The following UBE2W variants were observed in gnomAD, a reference collection of about 807,000 sequenced individuals.
The protein encoded by UBE2W is ubiquitin conjugating enzyme E2 W, also known as ubiquitin-conjugating enzyme E2 W.
UBE2W carries 18 observed loss-of-function variants against 27.2 expected under a neutral mutation model. The ratio of observed to expected loss-of-function variants is 0.66; its 90% CI spans 0.46 to 0.98. The LOEUF (loss-of-function observed/expected upper bound fraction) is 0.98. Ranked by LOEUF, UBE2W falls within the 50% of genes least tolerant of loss-of-function variation. The pLI is 0.00. For missense variants in UBE2W, 90 were observed against 180.2 expected, an observed-to-expected ratio of 0.50 and a Z score of 2.87; for synonymous variants, 53 against 57.2, an observed-to-expected ratio of 0.93 and a Z score of 0.33.
At position 73,805,472 on chromosome 8, in the gene UBE2W, C is replaced by CAAA; in HGVS notation, c.442+176_442+178dup. Among the ~76,000 whole-genome samples the CAAA allele has an allele frequency of 4.8e-4, 21 of 43,694 alleles. 1 individual carries two copies. The highest frequency in any genetic ancestry group is 3.7e-3 in the South Asian group (4 of 1,074). The allele number at this position is 43,694 out of a possible 152,430, so 28.7% of individuals were successfully genotyped here. A position where few individuals can be genotyped will look rare whatever the true frequency, so the allele number is the denominator to read the frequency against. On this transcript the variant is annotated intron_variant, in intron 5 of 5. Coordinates refer to ENST00000602593, the MANE Select transcript of UBE2W (RefSeq NM_018299.6). Reference sequence around the variant, plus strand: ...TCCATCTCAAAAAAAAAAAAAAAAACAAAAAAAACTAGGGTAATTCATCCA... The same window carrying CAAA: ...TCCATCTCAAAAAAAAAAAAAAAAACAAAAAAAAAAACTAGGGTAATTCATCCA...
intron 2 of UBE2W, 92 bp downstream of exon 2, chr8:73,830,289 T>A (rs1724798637): frequency 1.1e-6 from 1 of 887,822 alleles, no homozygotes; most frequent in Admixed American, 2.2e-5. Context: ...AAGAATGAAA[T>A]GTGAAAATAA....
At chr8:73,808,194 G>A (rs913031799) in intron 4 of UBE2W, among the ~76,000 whole-genome samples, 6 of 152,086 alleles carry the variant, frequency 3.9e-5, no homozygotes, top group South Asian at 2.1e-4. Flanking sequence ...AAATTTACCC[G>A]TTTTAATAAT....
In UBE2W at chr8:73,800,910, T is replaced by C. The variant is rs193158295; in HGVS notation, c.442+4741A>G. Among the ~76,000 whole-genome samples, 1,155 of 152,186 alleles carry C rather than the reference T, an allele frequency of 7.6e-3. 21 individuals carry two copies. The highest frequency in any genetic ancestry group is 0.027 in the African/African-American group (1,122 of 41,536). ...GAGTTCAAGACCAGCCTGACCAACA[T>C]GGAGAAACCTCATCTCTATTAAAAA... On this transcript the variant is annotated intron_variant, in intron 5 of 5. Transcript: ENST00000602593.
At chr8:73,844,171 C>G (rs2623310) in intron 1 of UBE2W, among the ~76,000 whole-genome samples, 1 of 4,024 alleles carries the variant, frequency 2.5e-4, no homozygotes, top group Non-Finnish European at 4.2e-4. Context: ...TCCCCCTCCC[C>G]CTCTGCACGG....
At chr8:73,785,856 G>C (rs939929518), downstream of UBE2W, among the ~76,000 whole-genome samples, 5 of 152,236 alleles carry the variant, frequency 3.3e-5, no homozygotes, top group Admixed American at 2.6e-4. Flanking sequence ...ACAGGCGTAA[G>C]CCACTGTGCC....
intron 1 of UBE2W, among the ~76,000 whole-genome samples, chr8:73,864,766 G>C (rs1414979296): frequency 7.6e-6 from 1 of 131,164 alleles, no homozygotes; most frequent in East Asian, 2.7e-4. Flanking sequence ...GGGGGGGCGG[G>C]GGGGGCTGAG....
At chr8:73,848,823 A>G (rs1810931998) in intron 1 of UBE2W, among the ~76,000 whole-genome samples, 1 of 152,216 alleles carries the variant, frequency 6.6e-6, no homozygotes, top group Non-Finnish European at 1.5e-5. Flanking sequence ...GGTGATTACA[A>G]AGGTGTATTC....
chr8:73,845,373 T>C (rs1810749834), intron 1 of UBE2W, among the ~76,000 whole-genome samples: 1 of 152,256 alleles, frequency 6.6e-6, no homozygotes, highest in Admixed American at 6.5e-5. Context: ...GAGAAATTCT[T>C]CTGCCTTGGG....
At chr8:73,878,159 GGAA>G (rs777534965) in intron 1 of UBE2W, among the ~76,000 whole-genome samples, 85 of 152,350 alleles carry the variant, frequency 5.6e-4, no homozygotes, top group Non-Finnish European at 1.1e-3. Flanking sequence ...AGCTTCGAGA[GGAA>G]GGAGACAGTG....
rs746709235 is a variant in UBE2W, at chr8:73,870,673, A to T, written c.15+8135T>A. Among the ~76,000 whole-genome samples the T allele has an allele frequency of 4.8e-4, 73 of 152,102 alleles. 1 individual carries two copies. Among genetic ancestry groups the T allele is most frequent in the Non-Finnish European group, 1.2e-4 (8 of 68,032 alleles). ...GGCACTAGGTTACATCCAAGAAAAT[A>T]GAAAATAAGCTAATTAATACATAGC... is the stretch of plus-strand genomic sequence containing the variant. On this transcript the variant is annotated intron_variant, in intron 1 of 5. Transcript: ENST00000602593.
chr8:73,851,839 G>GACAGTGTTCTTAACTGTAAAAGAAAT (rs57421554), intron 1 of UBE2W, among the ~76,000 whole-genome samples: 1 of 151,556 alleles, frequency 6.6e-6, no homozygotes, highest in African/African-American at 2.4e-5. Context: ...CTGGATCAAT[G>GACAGTGTTCTTAACTGTAAAAGAAAT]ACAGGAAGAA....
At chr8:73,803,830 G>A (rs1424642316) in intron 5 of UBE2W, among the ~76,000 whole-genome samples, 3 of 149,562 alleles carry the variant, frequency 2.0e-5, no homozygotes, top group Non-Finnish European at 3.0e-5. Flanking sequence ...GCAGTGGCGC[G>A]ATCTCCGCTC....
chr8:73,850,802 A>T (rs1435628824), intron 1 of UBE2W, among the ~76,000 whole-genome samples: 1 of 150,780 alleles, frequency 6.6e-6, no homozygotes, highest in East Asian at 1.9e-4. Flanking sequence ...TCCTTAAGCA[A>T]TGTGAATATT....
intron 3 of UBE2W, 51 bp downstream of exon 3, chr8:73,825,096 C>T (rs1311928115): frequency 3.0e-5 from 34 of 1,129,552 alleles, no homozygotes; most frequent in Admixed American, 9.7e-5. Context: ...ACATCTCTGG[C>T]ATTTAGCTAT....
intron 5 of UBE2W, among the ~76,000 whole-genome samples, chr8:73,800,700 T>C (rs1035636808): frequency 1.3e-5 from 2 of 152,242 alleles, no homozygotes; most frequent in Admixed American, 1.3e-4. Flanking sequence ...CTCGGCTTAC[T>C]TGGAGATTAC....
chr8:73,871,829 T>C (rs1473904734), intron 1 of UBE2W, among the ~76,000 whole-genome samples: 2 of 152,200 alleles, frequency 1.3e-5, no homozygotes, highest in East Asian at 1.9e-4. Context: ...TTTTTATATA[T>C]ACTTTTTGAG....
chr8:73,804,567 T>A (rs370219074), intron 5 of UBE2W, among the ~76,000 whole-genome samples: 2 of 144,548 alleles, frequency 1.4e-5, no homozygotes, highest in South Asian at 4.4e-4. Flanking sequence ...TTTTTTTTTT[T>A]AAGGGATAAT....
chr8:73,814,319 T>G (rs904046198), intron 3 of UBE2W, among the ~76,000 whole-genome samples: 2 of 152,218 alleles, frequency 1.3e-5, no homozygotes, highest in Admixed American at 6.5e-5. Context: ...CACAATAAAT[T>G]TGAAACCATA....
rs1330591058 is a variant in UBE2W at position 73,787,185 on chromosome 8, G to A, written c.*6917C>T. ...GCAACTAAAAAAATGGTTGAAAGGGGCTCCCAACAGGACAGATAACCACAG... is the reference window on the plus strand; with the variant it reads ...GCAACTAAAAAAATGGTTGAAAGGGACTCCCAACAGGACAGATAACCACAG... On this transcript the variant is annotated 3_prime_UTR_variant, in exon 6 of 6. Transcript: ENST00000602593. 3 of 985,276 alleles carry A rather than the reference G, an allele frequency of 3.0e-6. No homozygotes were observed. Among genetic ancestry groups the A allele is most frequent in the South Asian group, 4.7e-5 (1 of 21,290 alleles). 61.0% of individuals were successfully genotyped at this position (985,276 alleles called of 1,614,324 possible).
Sources: gnomAD v4.1 joint callset for allele counts (sites outside exome capture counted in the v4.1 genomes callset) on GRCh38, gnomAD v4.1.1 for gene constraint, MANE v1.5 for transcripts, NCBI Gene and HGNC (gene_info 2026-07-23, HGNC 2026-07-21) for gene names.